Variants in KATNIP observed in about 807,000 individuals in gnomAD.
KATNIP encodes katanin-interacting protein.
Under a neutral mutation model 174.0 loss-of-function variants are expected in KATNIP, and 126 were observed. That is an observed-to-expected ratio of 0.72 (90% CI 0.63 to 0.84). KATNIP has a LOEUF of 0.84. Among genes scored for constraint, KATNIP ranks in the 40% least tolerant of loss-of-function variants. The pLI is 0.00. For missense variants in KATNIP, 1,958 were observed against 2,109.7 expected, an observed-to-expected ratio of 0.93 and a Z score of 1.41; for synonymous variants, 810 against 835.7, an observed-to-expected ratio of 0.97 and a Z score of 0.53.
chr16:27,675,189 T>C (rs988249870), intron 6 of KATNIP, among the ~76,000 whole-genome samples: 1 of 152,198 alleles, frequency 6.6e-6, no homozygotes, highest in Non-Finnish European at 1.5e-5. Flanking sequence ...CTCACAGTCA[T>C]GGCAGAAGGC....
chr16:27,676,303 T>G (rs2078112506), intron 6 of KATNIP, among the ~76,000 whole-genome samples: 1 of 152,252 alleles, frequency 6.6e-6, no homozygotes, highest in Admixed American at 6.5e-5. Context: ...CAGGATTCCC[T>G]GGGCTCCAGT....
intron 15 of KATNIP, among the ~76,000 whole-genome samples, chr16:27,748,219 A>G (rs556558750): frequency 1.1e-4 from 17 of 152,362 alleles, no homozygotes; most frequent in African/African-American, 4.1e-4. Context: ...CACCTGGGAC[A>G]CAGGCTTTAG....
At chr16:27,757,209 C>A (rs944763574) in intron 18 of KATNIP, among the ~76,000 whole-genome samples, 1 of 152,178 alleles carries the variant, frequency 6.6e-6, no homozygotes, top group Non-Finnish European at 1.5e-5. Context: ...CTCAGCCTCC[C>A]GAGTAGCTGG....
rs747831047 is a variant in KATNIP at position 27,648,740 on chromosome 16, G to T, written c.540+5G>T. On this transcript the variant is annotated splice_donor_5th_base_variant and intron_variant, in intron 6 of 27. Coordinates refer to ENST00000261588, the MANE Select transcript of KATNIP (RefSeq NM_015202.5). Reference sequence around the variant, plus strand: ...ACTTCTGAGGATCGTCCGCAGGTAGGGATGGCCTTGGCCTTGTGCTCGGGA... The same window carrying T: ...ACTTCTGAGGATCGTCCGCAGGTAGTGATGGCCTTGGCCTTGTGCTCGGGA... 8 of 1,612,082 alleles carry T rather than the reference G, an allele frequency of 5.0e-6. No individual in the cohort carries two copies. Among genetic ancestry groups the T allele is most frequent in the Non-Finnish European group, 5.9e-6 (7 of 1,179,236 alleles).
At chr16:27,648,783 G>T in intron 6 of KATNIP, 48 bp downstream of exon 6, 1 of 1,593,768 alleles carries the variant, frequency 6.3e-7, no homozygotes, top group Non-Finnish European at 8.5e-7. Context: ...AGGACGGCGA[G>T]GCTCGGTGCT....
chr16:27,697,966 C>T (rs1445601456), intron 8 of KATNIP, among the ~76,000 whole-genome samples: 1 of 152,174 alleles, frequency 6.6e-6, no homozygotes, highest in Non-Finnish European at 1.5e-5. Flanking sequence ...CTCCTAAAAA[C>T]AAGGGCATTC....
In KATNIP at chr16:27,584,212, C is replaced by T. The variant is rs138646326; in HGVS notation, c.63+10256C>T. On this transcript the variant is annotated intron_variant, in intron 2 of 27. Coordinates refer to ENST00000261588, the MANE Select transcript of KATNIP (RefSeq NM_015202.5). ...CTCCCCTTCTCCTTCCTGTCATTTT[C>T]GGAATTCTCTCAGCAACTTCAGCAA... is the stretch of plus-strand genomic sequence containing the variant. Among the ~76,000 whole-genome samples the T allele has an allele frequency of 5.4e-4, 82 of 151,956 alleles. 1 individual carries two copies. Among genetic ancestry groups the T allele is most frequent in the South Asian group, 1.5e-3 (7 of 4,772 alleles).
intron 6 of KATNIP, among the ~76,000 whole-genome samples, chr16:27,672,939 T>G (rs1567283572): frequency 6.6e-6 from 1 of 152,146 alleles, no homozygotes; most frequent in Non-Finnish European, 1.5e-5. Context: ...AGACATCAGT[T>G]GGGACAATTT....
At chr16:27,631,320 CT>C in intron 5 of KATNIP, 158 bp downstream of exon 5, 2 of 580,366 alleles carry the variant, frequency 3.4e-6, no homozygotes, top group Non-Finnish European at 6.1e-6. Context: ...GGGAGGATCA[CT>C]TTGAGCCCAG....
chr16:27,733,600 C>CAT (rs1474973139), intron 14 of KATNIP, among the ~76,000 whole-genome samples: 1 of 149,582 alleles, frequency 6.7e-6, no homozygotes, highest in Non-Finnish European at 1.5e-5. Context: ...CACACACACA[C>CAT]ACATATGCAG....
intron 2 of KATNIP, among the ~76,000 whole-genome samples, chr16:27,587,247 G>A (rs563272482): frequency 6.6e-6 from 1 of 152,330 alleles, no homozygotes; most frequent in Admixed American, 6.5e-5. Flanking sequence ...TGTAAGGGCT[G>A]TTTAAGTGTT....
At position 27,648,601 on chromosome 16, in the gene KATNIP, C is replaced by T; in HGVS notation, c.409-3C>T. 1 of 1,613,890 alleles carries T rather than the reference C, an allele frequency of 6.2e-7. No homozygotes were observed. ...ATCTGAAATGGCCTGCATTTTTGTACAGAAATCTGTGCAGATCAGAACAGA... is the reference window on the plus strand; with the variant it reads ...ATCTGAAATGGCCTGCATTTTTGTATAGAAATCTGTGCAGATCAGAACAGA... On this transcript the variant is annotated splice_polypyrimidine_tract_variant and splice_region_variant and intron_variant, in intron 5 of 27. Transcript: ENST00000261588.
At chr16:27,616,368 AAAAAAG>A (rs1211795961) in intron 2 of KATNIP, among the ~76,000 whole-genome samples, 13 of 152,096 alleles carry the variant, frequency 8.5e-5, no homozygotes, top group African/African-American at 1.2e-4. Flanking sequence ...ATTTCAAAGA[AAAAAAG>A]AAAAAGAAAA....
chr16:27,609,524 G>A (rs565941443), intron 2 of KATNIP, among the ~76,000 whole-genome samples: 13 of 151,426 alleles, frequency 8.6e-5, no homozygotes, highest in African/African-American at 3.2e-4. Context: ...CCAAGTAGCT[G>A]GGACTACAGG....
intron 14 of KATNIP, among the ~76,000 whole-genome samples, chr16:27,736,363 G>C (rs1203782357): frequency 6.6e-6 from 1 of 152,232 alleles, no homozygotes; most frequent in Non-Finnish European, 1.5e-5. Flanking sequence ...GGCTTCAGCT[G>C]TCTTGGAGCC....
At chr16:27,624,586 T>C (rs949108428) in intron 3 of KATNIP, among the ~76,000 whole-genome samples, 3 of 151,682 alleles carry the variant, frequency 2.0e-5, no homozygotes, top group African/African-American at 7.3e-5. Flanking sequence ...GAAGCCAAGG[T>C]GGGTGGATCC....
At chr16:27,708,623 TGAAGGCAGTGG>T in intron 12 of KATNIP, 71 bp from the exon 13 acceptor site, 1 of 1,100,066 alleles carries the variant, frequency 9.1e-7, no homozygotes, top group African/African-American at 1.6e-5. Context: ...ACTAACTTTT[TGAAGGCAGTGG>T]TGGCAGAGGC....
chr16:27,668,032 A>T (rs545617381), intron 6 of KATNIP, among the ~76,000 whole-genome samples: 15 of 152,314 alleles, frequency 9.8e-5, no homozygotes, highest in African/African-American at 3.6e-4. Flanking sequence ...ACATACATGA[A>T]CATGTTTAGT....
chr16:27,675,504 C>T (rs1181081695), intron 6 of KATNIP, among the ~76,000 whole-genome samples: 1 of 152,166 alleles, frequency 6.6e-6, no homozygotes, highest in Non-Finnish European at 1.5e-5. Flanking sequence ...TAAAGCCCAG[C>T]TGGGCAAACT....
Sources: gnomAD v4.1 joint callset for allele counts (sites outside exome capture counted in the v4.1 genomes callset) on GRCh38, gnomAD v4.1.1 for gene constraint, MANE v1.5 for transcripts, NCBI Gene and HGNC (gene_info 2026-07-23, HGNC 2026-07-21) for gene names.